MICAL3: variants seen among roughly 807,000 people sequenced by gnomAD.
The protein encoded by MICAL3 is [F-actin]-monooxygenase MICAL3.
MICAL3 carries 62 observed loss-of-function variants against 207.4 expected under a neutral mutation model. The ratio of observed to expected loss-of-function variants is 0.30; its 90% CI spans 0.24 to 0.37. MICAL3 has a LOEUF of 0.37. Among genes scored for constraint, MICAL3 ranks in the 10% least tolerant of loss-of-function variants. The pLI is 1.00. For synonymous variants in MICAL3, 1,077 were observed against 1,069.3 expected, an observed-to-expected ratio of 1.01 and a Z score of -0.14; for missense variants, 2,368 against 2,635.6, an observed-to-expected ratio of 0.90 and a Z score of 2.22.
chr22:17,815,880 C>T (rs543489572), intron 27 of MICAL3, among the ~76,000 whole-genome samples: 31 of 152,316 alleles, frequency 2.0e-4, no homozygotes, highest in Admixed American at 5.2e-4. Context: ...GGCTATTGGA[C>T]GGCAGGAGAG....
chr22:17,861,298 G>A, intron 19 of MICAL3: 1 of 984,330 alleles, frequency 1.0e-6, no homozygotes, highest in Non-Finnish European at 1.2e-6. Flanking sequence ...TATCGGGCAA[G>A]GAATGTCTGG....
At chr22:17,972,885 C>G (rs965521512) in intron 1 of MICAL3, among the ~76,000 whole-genome samples, 6 of 152,236 alleles carry the variant, frequency 3.9e-5, no homozygotes, top group Non-Finnish European at 8.8e-5. Context: ...GCTTAAGTAG[C>G]CTTTGGCACT....
At chr22:17,904,875 T>G (rs1219132882) in intron 2 of MICAL3, 36 bp from the exon 3 acceptor site, 2 of 1,461,982 alleles carry the variant, frequency 1.4e-6, no homozygotes, top group Non-Finnish European at 1.9e-6. Flanking sequence ...CAGGCGGCAC[T>G]TCCAACAAAC....
intron 1 of MICAL3, among the ~76,000 whole-genome samples, chr22:18,000,554 G>A (rs1204579245): frequency 2.0e-5 from 3 of 152,198 alleles, no homozygotes; most frequent in African/African-American, 4.8e-5. Flanking sequence ...CATGCCAGGC[G>A]GAGGGTCTCG....
At chr22:17,875,606 G>T in intron 16 of MICAL3, 2 of 1,037,210 alleles carry the variant, frequency 1.9e-6, no homozygotes, top group Non-Finnish European at 2.7e-6. Flanking sequence ...GTTAAATTAA[G>T]TCACACACTG....
intron 16 of MICAL3, chr22:17,875,497 G>C: frequency 6.4e-7 from 1 of 1,556,180 alleles, no homozygotes; most frequent in Non-Finnish European, 8.7e-7. Flanking sequence ...GAGGAGCGGA[G>C]ACTAAGAGAA....
intron 13 of MICAL3, among the ~76,000 whole-genome samples, chr22:17,888,467 G>T (rs1236590176): frequency 6.6e-6 from 1 of 152,188 alleles, no homozygotes; most frequent in Non-Finnish European, 1.5e-5. Flanking sequence ...AGTGACAGGA[G>T]AAAGAAGGGC....
At chr22:18,014,332 C>T (rs1025529973) in intron 1 of MICAL3, among the ~76,000 whole-genome samples, 3 of 152,112 alleles carry the variant, frequency 2.0e-5, no homozygotes, top group African/African-American at 7.2e-5. Flanking sequence ...ATATTTATCT[C>T]GAGGTTATGT....
intron 8 of MICAL3, 38 bp from the exon 9 acceptor site, chr22:17,896,399 C>T: frequency 8.4e-7 from 1 of 1,193,334 alleles, no homozygotes; most frequent in South Asian, 1.3e-5. Context: ...TAAAATATAA[C>T]ACACCTTTCA....
At chr22:17,842,278 C>T (rs1924097435) in intron 19 of MICAL3, 1 of 526,668 alleles carries the variant, frequency 1.9e-6, no homozygotes, top group East Asian at 3.0e-5. Context: ...ACCCGGCCCC[C>T]AGAGGGGAGA....
intron 17 of MICAL3, among the ~76,000 whole-genome samples, chr22:17,867,280 A>G (rs1927250873): frequency 6.6e-6 from 1 of 152,244 alleles, no homozygotes; most frequent in African/African-American, 2.4e-5. Flanking sequence ...CAGGATGCAG[A>G]GACTCTACAG....
intron 12 of MICAL3, 62 bp downstream of exon 12, chr22:17,891,423 T>C: frequency 6.8e-7 from 1 of 1,481,106 alleles, no homozygotes; most frequent in Non-Finnish European, 9.4e-7. Context: ...TGTTACTTGA[T>C]AGCAGAGTGG....
rs536331129 is a variant in MICAL3, at chr22:17,923,578, T to G, written c.-74-16692A>C. Among the ~76,000 whole-genome samples, 4 of 152,368 alleles carry G rather than the reference T, an allele frequency of 2.6e-5. No homozygotes were observed. In the South Asian group the frequency reaches 8.3e-4, roughly 32 times the overall value. The stretch of plus-strand genomic sequence containing the variant: ...CCTTCTGGTACCTGCTGGGGCCCAG[T>G]GGCAGTCTCAGGTCCTGAGCTGGGC... On this transcript the variant is annotated intron_variant, in intron 1 of 31. Coordinates refer to ENST00000441493, the MANE Select transcript of MICAL3 (RefSeq NM_015241.3).
Position 17,885,748 on chromosome 22 carries a change from G to A in MICAL3, c.2241+130C>T, listed in dbSNP as rs1463378127. On this transcript the variant is annotated intron_variant, in intron 16 of 31. Transcript: ENST00000441493. ...GGGCTCTTCTTTGCTGCAGTCAGGC[G>A]AGGGAAAGCCAGATGCCAGCCCACG... 15 of 934,076 alleles carry A rather than the reference G, an allele frequency of 1.6e-5. No homozygotes were observed. In the South Asian group the frequency reaches 1.8e-4, roughly 11 times the overall value. The allele number at this position is 934,076 out of a possible 1,614,324, so 57.9% of individuals were successfully genotyped here. A position where few individuals can be genotyped will look rare whatever the true frequency, so the allele number is the denominator to read the frequency against.
chr22:17,926,739 A>G (rs773997793), intron 1 of MICAL3, among the ~76,000 whole-genome samples: 12 of 152,188 alleles, frequency 7.9e-5, no homozygotes, highest in Non-Finnish European at 1.5e-5. Flanking sequence ...GTACCATGCT[A>G]AGCATGGTGG....
In MICAL3 at chr22:17,850,653, C is replaced by A. The variant is rs541195887; in HGVS notation, c.2606-8636G>T. Among the ~76,000 whole-genome samples the A allele has an allele frequency of 2.6e-5, 4 of 152,174 alleles. No individual in the cohort carries two copies. In the South Asian group the frequency reaches 8.3e-4, roughly 32 times the overall value. ...TCTCGATCTCCTGACCTCAGGTGAT[C>A]TATCTGCCTTGGCCTCTCAAAGTGC... On this transcript the variant is annotated intron_variant, in intron 19 of 31. Coordinates refer to ENST00000441493, the MANE Select transcript of MICAL3 (RefSeq NM_015241.3).
intron 19 of MICAL3, chr22:17,864,323 C>A: frequency 8.5e-7 from 1 of 1,179,526 alleles, no homozygotes; most frequent in Non-Finnish European, 1.1e-6. Flanking sequence ...CAGGGCATGT[C>A]CCATCACGGT....
In MICAL3 at chr22:17,819,165, G is replaced by A. The variant is rs1209625516; in HGVS notation, c.3532-36C>T. On this transcript the variant is annotated intron_variant, in intron 25 of 31. Coordinates refer to ENST00000441493, the MANE Select transcript of MICAL3 (RefSeq NM_015241.3). ...GGAAGACAGAAGCCGCTGAGAAGGT[G>A]TGGGCTTTCACGACCAGCAGCATCC... 3.5e-6 allele frequency: 5 copies of A among 1,431,296 alleles called. No homozygotes were observed. In the African/African-American group the frequency reaches 4.3e-5, roughly 12 times the overall value. 88.7% of individuals were successfully genotyped at this position (1,431,296 alleles called of 1,614,324 possible).
At chr22:18,010,960 AAAAC>A (rs1468509478) in intron 1 of MICAL3, among the ~76,000 whole-genome samples, 1 of 152,208 alleles carries the variant, frequency 6.6e-6, no homozygotes, top group African/African-American at 2.4e-5. Context: ...ACAAAAAGAA[AAAAC>A]AAACAGGAAG....
Sources: allele counts gnomAD v4.1 joint callset (sites outside exome capture counted in the v4.1 genomes callset), GRCh38; gene constraint gnomAD v4.1.1; transcripts MANE v1.5; gene names NCBI Gene and HGNC (gene_info 2026-07-23, HGNC 2026-07-21).